Variants in SND1 observed in about 807,000 individuals in gnomAD.
SND1 encodes the protein staphylococcal nuclease domain-containing protein 1.
Under a neutral mutation model 121.7 loss-of-function variants are expected in SND1, and 38 were observed. The observed-to-expected ratio is 0.31, with a 90% CI of 0.24 to 0.41. The LOEUF is 0.41. Among genes scored for constraint, SND1 ranks in the 10% least tolerant of loss-of-function variants. The probability of loss-of-function intolerance (pLI) is 1.00; values close to 1 mark genes in which losing one functional copy is unlikely to be tolerated. For missense variants in SND1, 868 were observed against 1,184.6 expected, an observed-to-expected ratio of 0.73 and a Z score of 3.92; for synonymous variants, 401 against 447.4, an observed-to-expected ratio of 0.90 and a Z score of 1.31.
At chr7:127,833,955 C>A (rs1480327813) in intron 11 of SND1, among the ~76,000 whole-genome samples, 1 of 151,186 alleles carries the variant, frequency 6.6e-6, no homozygotes, top group East Asian at 1.9e-4. Flanking sequence ...ACACAGTATT[C>A]TTTTTTGTAA....
intron 15 of SND1, among the ~76,000 whole-genome samples, chr7:127,937,325 G>A (rs921487873): frequency 3.9e-5 from 6 of 152,184 alleles, no homozygotes; most frequent in Non-Finnish European, 8.8e-5. Context: ...GATCACAGCA[G>A]GTGACTTATA....
At chr7:127,979,038 G>A (rs11977684) in intron 15 of SND1, among the ~76,000 whole-genome samples, 4,183 of 152,148 alleles carry the variant, frequency 0.027, 90 homozygotes, top group Non-Finnish European at 0.038. Context: ...GCGTGTTGGC[G>A]AGCTTTTTCT....
At chr7:127,996,833 C>G (rs571057826) in intron 16 of SND1, among the ~76,000 whole-genome samples, 1 of 152,154 alleles carries the variant, frequency 6.6e-6, no homozygotes, top group Non-Finnish European at 1.5e-5. Context: ...CTCTCTCATC[C>G]CACAAGCTTT....
At chr7:128,032,105 T>C (rs1792634394) in intron 16 of SND1, 1 of 151,924 alleles carries the variant, frequency 6.6e-6, no homozygotes, top group Non-Finnish European at 1.5e-5. Flanking sequence ...AGAACGTGAA[T>C]GTACTGCTGA....
intron 10 of SND1, among the ~76,000 whole-genome samples, chr7:127,730,026 C>T (rs534318960): frequency 1.3e-5 from 2 of 151,828 alleles, no homozygotes; most frequent in East Asian, 1.9e-4. Flanking sequence ...TGCAATGTGG[C>T]GATCTCGGGT....
chr7:127,796,935 C>T (rs1486290595), intron 10 of SND1, among the ~76,000 whole-genome samples: 1 of 147,172 alleles, frequency 6.8e-6, no homozygotes, highest in Admixed American at 6.9e-5. Context: ...CTCTGTCACC[C>T]AGGCTGGAGT....
At chr7:127,853,515 A>G (rs1159262080) in intron 12 of SND1, among the ~76,000 whole-genome samples, 1 of 152,142 alleles carries the variant, frequency 6.6e-6, no homozygotes, top group African/African-American at 2.4e-5. Context: ...TTTAGTATTA[A>G]AACAGTGGGT....
chr7:127,949,067 T>G (rs1357163623), intron 15 of SND1: 1 of 152,240 alleles, frequency 6.6e-6, no homozygotes, highest in Non-Finnish European at 1.5e-5. Flanking sequence ...CAGTGTGGGA[T>G]TCTTAACAGT....
intron 15 of SND1, among the ~76,000 whole-genome samples, chr7:127,976,397 G>C (rs915465635): frequency 6.6e-6 from 1 of 152,226 alleles, no homozygotes; most frequent in Non-Finnish European, 1.5e-5. Flanking sequence ...GACCAGATGC[G>C]GGTCTGTTGG....
At chr7:128,028,832 G>A in intron 16 of SND1, 1 of 1,614,162 alleles carries the variant, frequency 6.2e-7, no homozygotes, top group Non-Finnish European at 8.5e-7. Flanking sequence ...AGTTAATATG[G>A]TCATGAATTG....
intron 10 of SND1, among the ~76,000 whole-genome samples, chr7:127,794,071 T>C (rs2116547753): frequency 6.6e-6 from 1 of 152,342 alleles, no homozygotes; most frequent in South Asian, 2.1e-4. Flanking sequence ...GTGATAAATG[T>C]TGAAGTTTTC....
chr7:127,810,928 G>A (rs1798324893), intron 11 of SND1, among the ~76,000 whole-genome samples: 1 of 152,238 alleles, frequency 6.6e-6, no homozygotes, highest in South Asian at 2.1e-4. Flanking sequence ...GACAACTGGA[G>A]TTTCAAAAAT....
At chr7:127,971,084 A>G (rs1428094440) in intron 15 of SND1, among the ~76,000 whole-genome samples, 2 of 152,194 alleles carry the variant, frequency 1.3e-5, no homozygotes, top group African/African-American at 4.8e-5. Flanking sequence ...TCTTTCAACA[A>G]TCTTTAATGA....
At chr7:127,845,529 A>G (rs1799042804) in intron 12 of SND1, among the ~76,000 whole-genome samples, 1 of 152,240 alleles carries the variant, frequency 6.6e-6, no homozygotes, top group African/African-American at 2.4e-5. Context: ...AAACTAGGAC[A>G]TATTTTGGTC....
At chr7:127,995,960 C>T (rs918579372) in intron 16 of SND1, among the ~76,000 whole-genome samples, 22 of 152,096 alleles carry the variant, frequency 1.4e-4, no homozygotes, top group African/African-American at 5.1e-4. Context: ...TTTGCTGCTG[C>T]CTGAAAAATG....
intron 11 of SND1, among the ~76,000 whole-genome samples, chr7:127,818,819 G>A (rs1224452138): frequency 6.6e-6 from 1 of 152,172 alleles, no homozygotes; most frequent in African/African-American, 2.4e-5. Context: ...AGAAAAGCAA[G>A]GAAAGGAGAA....
In SND1 at chr7:128,086,863, C is replaced by T. The variant is rs1026218609; in HGVS notation, c.2305-75C>T. 21 of 1,217,050 alleles carry T rather than the reference C, an allele frequency of 1.7e-5. No individual in the cohort carries two copies. In the Admixed American group the frequency reaches 3.6e-4, roughly 21 times the overall value. The allele number at this position is 1,217,050 out of a possible 1,614,324, so 75.4% of individuals were successfully genotyped here. On this transcript the variant is annotated intron_variant, in intron 20 of 23. Transcript: ENST00000354725. ...AGAGTTAGCATTCCCAGAGGCCTGG[C>T]CACAGAGAGCTGTCCTGTGAGAGAG...
chr7:127,868,248 A>G (rs1799515383), intron 12 of SND1, among the ~76,000 whole-genome samples: 1 of 152,134 alleles, frequency 6.6e-6, no homozygotes, highest in Non-Finnish European at 1.5e-5. Context: ...AGCCAGGTGT[A>G]GCAGCATGCG....
At position 128,085,609 on chromosome 7, in the gene SND1, C is replaced by A; in HGVS notation, c.2235-102C>A. 1 of 1,016,344 alleles carries A rather than the reference C, an allele frequency of 9.8e-7. No homozygotes were observed. 63.0% of individuals were successfully genotyped at this position (1,016,344 alleles called of 1,614,324 possible). A position where few individuals can be genotyped will look rare whatever the true frequency, so the allele number is the denominator to read the frequency against. ...TGTCCCCTGTGACACCCGTTGAACC[C>A]AGGCAGGGAAATGCTGTGCCCCTGC... is the stretch of plus-strand genomic sequence containing the variant. On this transcript the variant is annotated intron_variant, in intron 19 of 23. Coordinates refer to ENST00000354725, the MANE Select transcript of SND1 (RefSeq NM_014390.4). The surrounding 1 kb of genome is among the most constrained non-coding windows in gnomAD (Gnocchi z 4.4).
Sources: gnomAD v4.1 joint callset for allele counts (sites outside exome capture counted in the v4.1 genomes callset) on GRCh38, gnomAD v4.1.1 for gene constraint, Gnocchi (gnomAD v3.1) non-coding constraint, MANE v1.5 for transcripts, NCBI Gene and HGNC (gene_info 2026-07-23, HGNC 2026-07-21) for gene names.